The following HNRNPR variants were observed in gnomAD, a reference collection of about 807,000 sequenced individuals.
HNRNPR encodes the protein heterogeneous nuclear ribonucleoprotein R.
Under a neutral mutation model 70.3 loss-of-function variants are expected in HNRNPR, and 4 were observed. The ratio of observed to expected loss-of-function variants is 0.06; its 90% CI spans 0.03 to 0.13. HNRNPR has a LOEUF of 0.13. Among genes scored for constraint, HNRNPR ranks in the 10% least tolerant of loss-of-function variants. The pLI is 1.00. For missense variants in HNRNPR, 423 were observed against 788.5 expected (o/e 0.54, Z 5.55); for synonymous variants, 241 against 267.6 (o/e 0.90, Z 0.97).
intron 9 of HNRNPR, chr1:23,312,020 C>T (rs915084504): frequency 9.8e-5 from 15 of 152,354 alleles, no homozygotes; most frequent in African/African-American, 3.4e-4. Flanking sequence ...TTCCACCTAA[C>T]AACCTCTGCC....
chr1:23,341,419 C>T (rs771413170), intron 1 of HNRNPR, among the ~76,000 whole-genome samples: 1 of 152,266 alleles, frequency 6.6e-6, no homozygotes, highest in East Asian at 1.9e-4. Flanking sequence ...AGAATGAACA[C>T]CCACAGACCA....
chr1:23,305,142 T>G lies in HNRNPR; in HGVS notation c.*5312A>C, dbSNP rs575260556. 3.3e-5 allele frequency: 5 copies of G among 152,330 alleles called. No homozygotes were observed. The highest frequency in any genetic ancestry group is 1.2e-4 in the African/African-American group (5 of 41,576). 9.4% of individuals were successfully genotyped at this position (152,330 alleles called of 1,614,324 possible). On this transcript the variant is annotated 3_prime_UTR_variant, in exon 11 of 11. Coordinates refer to ENST00000302271, the MANE Select transcript of HNRNPR (RefSeq NM_005826.5). ...CTTTGTTGGTTCCACAAAATGTATTTTGTTTTTAGTGTTTAAAGTCAACAA... is the reference window on the plus strand; with the variant it reads ...CTTTGTTGGTTCCACAAAATGTATTGTGTTTTTAGTGTTTAAAGTCAACAA...
At chr1:23,336,767 CA>C (rs34880516) in intron 4 of HNRNPR, among the ~76,000 whole-genome samples, 5,726 of 59,554 alleles carry the variant, frequency 0.096, 264 homozygotes, top group African/African-American at 0.24. Flanking sequence ...GACTCTGTCT[CA>C]AAAAAAAAAA....
intron 1 of HNRNPR, among the ~76,000 whole-genome samples, chr1:23,342,909 T>G (rs968590304): frequency 1.3e-5 from 2 of 152,224 alleles, no homozygotes; most frequent in Admixed American, 1.3e-4. Context: ...GCTCTACAAG[T>G]TGATACTGAA....
At chr1:23,326,890 C>T (rs1045913524) in intron 5 of HNRNPR, among the ~76,000 whole-genome samples, 20 of 152,136 alleles carry the variant, frequency 1.3e-4, no homozygotes, top group African/African-American at 4.8e-4. Context: ...CCTTTTCTTA[C>T]CTGAAGTATT....
chr1:23,315,428 C>T (rs1430318415), intron 8 of HNRNPR, among the ~76,000 whole-genome samples: 3 of 151,774 alleles, frequency 2.0e-5, no homozygotes, highest in Admixed American at 6.6e-5. Context: ...TTTAGTAGTA[C>T]ATATAGTAAT....
In HNRNPR at chr1:23,307,540, TAC is replaced by T. The variant is rs1384192141; in HGVS notation, c.*2912_*2913del. 1 of 152,012 alleles carries T rather than the reference TAC, an allele frequency of 6.6e-6. No homozygotes were observed. Among genetic ancestry groups the T allele is most frequent in the Non-Finnish European group, 1.5e-5 (1 of 67,946 alleles). 9.4% of individuals were successfully genotyped at this position (152,012 alleles called of 1,614,324 possible). ...TATGCTGAACTCATTTTAAAAAAAC[TAC>T]AGAATCATAACTCATTTTCCTTATC... On this transcript the variant is annotated 3_prime_UTR_variant, in exon 11 of 11. Coordinates refer to ENST00000302271, the MANE Select transcript of HNRNPR (RefSeq NM_005826.5).
intron 5 of HNRNPR, among the ~76,000 whole-genome samples, 192 bp downstream of exon 5, chr1:23,333,326 T>C (rs1259376724): frequency 5.3e-5 from 8 of 152,214 alleles, no homozygotes; most frequent in Admixed American, 5.2e-4. Flanking sequence ...ATATAAAGTG[T>C]TCGGGTATCT....
At chr1:23,315,871 C>T (rs2148338211) in intron 8 of HNRNPR, among the ~76,000 whole-genome samples, 1 of 152,240 alleles carries the variant, frequency 6.6e-6, no homozygotes, top group East Asian at 1.9e-4. Context: ...AAGGTCCAGC[C>T]TCTATGTTAC....
intron 8 of HNRNPR, among the ~76,000 whole-genome samples, chr1:23,313,921 G>C (rs614752): frequency 2.2e-3 from 332 of 152,214 alleles, no homozygotes; most frequent in African/African-American, 7.6e-3. Flanking sequence ...TGTCATTAAA[G>C]CACCTAACAC....
intron 4 of HNRNPR, 68 bp from the exon 5 acceptor site, chr1:23,333,699 T>A: frequency 1.1e-6 from 1 of 908,542 alleles, no homozygotes; most frequent in African/African-American, 1.6e-5. Flanking sequence ...AGTGTATTAA[T>A]CTTTTCCAAA....
Position 23,310,502 on chromosome 1 carries a change from A to G in HNRNPR, c.1854T>C (p.Asn618=). 6.2e-7 allele frequency: 1 copy of G among 1,612,740 alleles called. No homozygotes were observed. Among genetic ancestry groups the G allele is most frequent in the Non-Finnish European group, 8.5e-7 (1 of 1,179,564 alleles). The change falls in exon 11 of 11, where the codon AAT becomes AAC. Residue 618 remains asparagine (N), a synonymous_variant. Transcript: ENST00000302271. This position sits in a 1 kb window ranked among gnomAD's most constrained non-coding sequence, Gnocchi z 6.0. ...TATCCTGATAAAATTCCTGGTTGTC[A>G]TTATTGTAACCATAGTTACCAGAAT... The part of the protein sequence containing the change: ...GDYSGNYGYN[N]DNQEFYQDTY...
chr1:23,314,012 T>C (rs955594390), intron 8 of HNRNPR, among the ~76,000 whole-genome samples: 2 of 152,184 alleles, frequency 1.3e-5, no homozygotes, highest in African/African-American at 4.8e-5. Flanking sequence ...AACAAGTTTT[T>C]CTGTTTCTTT....
intron 1 of HNRNPR, among the ~76,000 whole-genome samples, chr1:23,343,021 C>T (rs992815273): frequency 6.6e-6 from 1 of 152,176 alleles, no homozygotes; most frequent in African/African-American, 2.4e-5. Context: ...AAAGCCCTCT[C>T]TCTTCAAGCC....
At chr1:23,328,488 T>A (rs1015728726) in intron 5 of HNRNPR, among the ~76,000 whole-genome samples, 3 of 152,066 alleles carry the variant, frequency 2.0e-5, no homozygotes, top group Non-Finnish European at 4.4e-5. Context: ...GCAAGTTTCG[T>A]TTTTTGTTGT....
chr1:23,322,890 A>G (rs1229500862), intron 6 of HNRNPR, among the ~76,000 whole-genome samples: 2 of 152,222 alleles, frequency 1.3e-5, no homozygotes, highest in East Asian at 3.8e-4. Context: ...GAGTGAAGAT[A>G]CATTTGATTT....
Position 23,310,653 on chromosome 1 carries a change from T to C in HNRNPR, c.1703A>G (p.Asn568Ser), listed in dbSNP as rs377080012. The C allele has an allele frequency of 8.0e-5, 129 of 1,613,798 alleles. 1 individual carries two copies. In the East Asian group the frequency reaches 2.0e-3, roughly 25 times the overall value. ...ATCTGCCTTTCTCTTGCCTCCTACA[T>C]TGCCCCCACGATTGCCCCGAGATCC... ...SRGSRGNRGG[N>S]VGGKRKADGY... The change falls in exon 11 of 11, where the codon AAT becomes AGT. Residue 568 changes from asparagine to serine, a missense_variant. Asn to Ser is a conservative substitution (Grantham distance 46, BLOSUM62 1). Around this residue, in one of 7 missense-constraint regions of HNRNPR, gnomAD observed 169 missense variants for 195.6 expected, o/e 0.86. Coordinates refer to ENST00000302271, the MANE Select transcript of HNRNPR (RefSeq NM_005826.5). This position sits in a 1 kb window ranked among gnomAD's most constrained non-coding sequence, Gnocchi z 6.0.
In HNRNPR at chr1:23,310,209, G is replaced by A. The variant is rs948591197; in HGVS notation, c.*245C>T. 7 of 348,362 alleles carry A rather than the reference G, an allele frequency of 2.0e-5. No individual in the cohort carries two copies. The highest frequency in any genetic ancestry group is 8.9e-5 in the Admixed American group (2 of 22,418). The allele number at this position is 348,362 out of a possible 1,614,324, so 21.6% of individuals were successfully genotyped here. ...TTGAAGCTAAAATGAAGCCTGAAAC[G>A]ATAAAAGCATTGTAATCCCCAGAAT... On this transcript the variant is annotated 3_prime_UTR_variant, in exon 11 of 11. Coordinates refer to ENST00000302271, the MANE Select transcript of HNRNPR (RefSeq NM_005826.5). The surrounding 1 kb of genome is among the most constrained non-coding windows in gnomAD (Gnocchi z 6.0).
chr1:23,336,900 T>C (rs1177458064), intron 4 of HNRNPR, among the ~76,000 whole-genome samples: 1 of 152,132 alleles, frequency 6.6e-6, no homozygotes, highest in African/African-American at 2.4e-5. Context: ...ATCTAAGTAA[T>C]AAAATGGTAA....
Sources: allele counts gnomAD v4.1 joint callset (sites outside exome capture counted in the v4.1 genomes callset), GRCh38; gene constraint gnomAD v4.1.1; regional missense constraint gnomAD v4.1.1; non-coding constraint Gnocchi (gnomAD v3.1); transcripts MANE v1.5; gene names NCBI Gene and HGNC (gene_info 2026-07-23, HGNC 2026-07-21).